Variants in USP35 observed in about 807,000 individuals in gnomAD.
The protein encoded by USP35 is ubiquitin carboxyl-terminal hydrolase 35.
In USP35, 69 loss-of-function variants were observed where a neutral mutation model predicts 83.8. That is an observed-to-expected ratio of 0.82 (90% CI 0.68 to 1.01). The LOEUF (loss-of-function observed/expected upper bound fraction) is 1.01, where lower values mean the gene tolerates loss of function less well. Among genes scored for constraint, USP35 ranks in the 50% least tolerant of loss-of-function variants. The pLI is 0.00. For missense variants in USP35, 1,503 were observed against 1,362.5 expected, an observed-to-expected ratio of 1.10 and a Z score of -1.62; for synonymous variants, 714 against 589.5, an observed-to-expected ratio of 1.21 and a Z score of -3.06.
At chr11:78,220,257 C>G in the USP35 span, 1 of 1,594,998 alleles carries the variant, frequency 6.3e-7, no homozygotes, top group Non-Finnish European at 8.6e-7. Flanking sequence ...CCCTGGCCTC[C>G]ATGATCTCTG....
At chr11:78,226,344 T>G in the USP35 span, 1 of 771,090 alleles carries the variant, frequency 1.3e-6, no homozygotes, top group East Asian at 2.5e-5. Context: ...TTTTTGAGTA[T>G]CAGTGACCTA....
At chr11:78,228,933 T>G in the USP35 span, among the ~76,000 whole-genome samples, 1 of 152,216 alleles carries the variant, frequency 6.6e-6, no homozygotes. Flanking sequence ...AACTCTCTGT[T>G]GGATGCTCCC....
chr11:78,220,794 C>G, the USP35 span, among the ~76,000 whole-genome samples: 1 of 152,232 alleles, frequency 6.6e-6, no homozygotes, highest in Non-Finnish European at 1.5e-5. Flanking sequence ...TCTAGCACAT[C>G]AGGCCAAGTC....
At chr11:78,222,940 C>T in the USP35 span, among the ~76,000 whole-genome samples, 63 of 152,300 alleles carry the variant, frequency 4.1e-4, 1 homozygote, top group South Asian at 0.012. Context: ...CTCCCTGCTG[C>T]TCCTGGCCAG....
At chr11:78,234,251 T>G in the USP35 span, among the ~76,000 whole-genome samples, 1 of 152,110 alleles carries the variant, frequency 6.6e-6, no homozygotes, top group Non-Finnish European at 1.5e-5. Flanking sequence ...CCTGGCTACT[T>G]TTTGTATTTT....
At position 78,213,729 on chromosome 11, in the gene USP35, AGACAAG is replaced by A. The variant is rs751906812; in HGVS notation, c.2976_2981del (p.Lys993_Asp994del). On this transcript the variant is annotated inframe_deletion, in exon 11 of 11. Transcript: ENST00000529308. Reference sequence around the variant, plus strand: ...CGCACTGGGGGAGGGGCTTTGATGAAGACAAGGATGAGGATGAAGGCTCTCCAGGGG... The same window carrying A: ...CGCACTGGGGGAGGGGCTTTGATGAAGATGAGGATGAAGGCTCTCCAGGGG... 2 of 1,537,212 alleles carry A rather than the reference AGACAAG, an allele frequency of 1.3e-6. No individual in the cohort carries two copies. Among genetic ancestry groups the A allele is most frequent in the South Asian group, 2.5e-5 (2 of 78,476 alleles).
chr11:78,221,535 G>T, the USP35 span: 1 of 479,276 alleles, frequency 2.1e-6, no homozygotes, highest in Non-Finnish European at 3.9e-6. Context: ...CTCAAGAAGG[G>T]TTTGTAGCAG....
the USP35 span, among the ~76,000 whole-genome samples, chr11:78,229,751 C>G: frequency 6.6e-6 from 1 of 152,220 alleles, no homozygotes; most frequent in Non-Finnish European, 1.5e-5. Context: ...CTTTTCCACT[C>G]TAGGATCCAA....
intron 3 of USP35, 128 bp downstream of exon 3, chr11:78,198,196 T>C: frequency 7.1e-7 from 1 of 1,401,368 alleles, no homozygotes; most frequent in South Asian, 1.3e-5. Context: ...TCATGTGTGT[T>C]CCATCATCTA....
Position 78,197,957 on chromosome 11 carries a change from C to T in USP35, c.695C>T (p.Ala232Val), listed in dbSNP as rs1285284964. The change falls in exon 3 of 11, where the codon GCC becomes GTC. Residue 232 changes from alanine (A) to valine (V), a missense_variant. Coordinates refer to ENST00000529308, the MANE Select transcript of USP35 (RefSeq NM_020798.4). ...SCAEEEPPSS[A>V]LASVVQHLPL... is the part of the protein sequence containing the mutation. ...CCAGAGGAGGAGCCACCATCTAGCG[C>T]CCTGGCCAGCGTGGTCCAGCACCTC... 1.9e-6 allele frequency: 3 copies of T among 1,614,082 alleles called. No individual in the cohort carries two copies. Among genetic ancestry groups the T allele is most frequent in the Admixed American group, 1.7e-5 (1 of 60,006 alleles).
Position 78,213,845 on chromosome 11 carries a change from T to C in USP35, c.*32T>C. 1 of 1,532,266 alleles carries C rather than the reference T, an allele frequency of 6.5e-7. No homozygotes were observed. The allele number at this position is 1,532,266 out of a possible 1,614,324, so 94.9% of individuals were successfully genotyped here. The stretch of plus-strand genomic sequence containing the variant: ...CCTGCTGCCAACCTGACCCCTTCCC[T>C]CCAGGAGCCAGGTAGGGCCTGAGGG... On this transcript the variant is annotated 3_prime_UTR_variant, in exon 11 of 11. Transcript: ENST00000529308.
rs1278218082 is a variant in USP35 at position 78,209,406 on chromosome 11, G to A, written c.1593-42G>A. 3 of 1,519,718 alleles carry A rather than the reference G, an allele frequency of 2.0e-6. No individual in the cohort carries two copies. In the Admixed American group the frequency reaches 6.5e-5, roughly 33 times the overall value. 94.1% of individuals were successfully genotyped at this position (1,519,718 alleles called of 1,614,324 possible). ...GGATAAGCTGAGTGCCCCGGAAGGG[G>A]ACCCGCATGTACATGTAGTGACTCT... is the stretch of plus-strand genomic sequence containing the variant. On this transcript the variant is annotated intron_variant, in intron 9 of 10. Coordinates refer to ENST00000529308, the MANE Select transcript of USP35 (RefSeq NM_020798.4).
chr11:78,225,014 A>G, the USP35 span: 9 of 764,904 alleles, frequency 1.2e-5, no homozygotes, highest in Admixed American at 1.5e-4. Flanking sequence ...TGGAGACGCC[A>G]TCAATCTTTT....
In USP35 at chr11:78,200,718, C is replaced by T. The variant is rs548378728; in HGVS notation, c.1107C>T (p.Cys369=). The T allele has an allele frequency of 1.7e-4, 277 of 1,614,150 alleles. 1 individual carries two copies. In the South Asian group the frequency reaches 2.9e-3, roughly 17 times the overall value. Residue 369 remains cysteine (C), a synonymous_variant, in exon 6 of 11, where the codon TGC becomes TGT. Coordinates refer to ENST00000529308, the MANE Select transcript of USP35 (RefSeq NM_020798.4). Reference sequence around the variant, plus strand: ...AGGACTCGAACTCGGGGACCAGCTGCCTGGAGCAGCTGGCGGAGCTGGTCC... The same window carrying T: ...AGGACTCGAACTCGGGGACCAGCTGTCTGGAGCAGCTGGCGGAGCTGGTCC... ...VKEDSNSGTS[C]LEQLAELVHC...
At chr11:78,203,892 C>T (rs12269804) in intron 6 of USP35, among the ~76,000 whole-genome samples, 32,246 of 113,278 alleles carry the variant, frequency 0.28, 5,501 homozygotes, top group African/African-American at 0.49. Flanking sequence ...TTTTTCTTTT[C>T]TTTTTTTTTT....
chr11:78,190,535 G>C (rs1862973042), intron 1 of USP35, among the ~76,000 whole-genome samples: 1 of 152,162 alleles, frequency 6.6e-6, no homozygotes, highest in Admixed American at 6.5e-5. Flanking sequence ...GCACCTTCAC[G>C]GACACCTCAG....
chr11:78,225,905 ATTT>A, the USP35 span, among the ~76,000 whole-genome samples: 1 of 152,208 alleles, frequency 6.6e-6, no homozygotes, highest in Non-Finnish European at 1.5e-5. Flanking sequence ...ATATTGTTCT[ATTT>A]TTTCATCATA....
Position 78,209,809 on chromosome 11 carries a change from A to C in USP35, c.1954A>C (p.Thr652Pro), listed in dbSNP as rs774992344. The change falls in exon 10 of 11, where the codon ACC (threonine) becomes CCC (proline). Residue 652 changes from threonine to proline, a missense_variant. Thr to Pro is a conservative substitution (Grantham distance 38, BLOSUM62 -1). Coordinates refer to ENST00000529308, the MANE Select transcript of USP35 (RefSeq NM_020798.4). The part of the protein sequence containing the change: ...RQRKHCITED[T>P]PPTSLYIEGL... The stretch of plus-strand genomic sequence containing the variant: ...AAGGAAACACTGCATCACAGAGGAC[A>C]CCCCCCCCACCAGCCTGTACATCGA... The C allele has an allele frequency of 1.9e-6, 3 of 1,610,008 alleles. No homozygotes were observed. Among genetic ancestry groups the C allele is most frequent in the East Asian group, 2.2e-5 (1 of 44,568 alleles).
the USP35 span, among the ~76,000 whole-genome samples, chr11:78,228,573 G>A: frequency 6.6e-6 from 1 of 152,202 alleles, no homozygotes; most frequent in Non-Finnish European, 1.5e-5. Context: ...GCCACCAGAT[G>A]GTGTTAGAAA....
Sources: gnomAD v4.1 joint callset for allele counts (sites outside exome capture counted in the v4.1 genomes callset) on GRCh38, gnomAD v4.1.1 for gene constraint, MANE v1.5 for transcripts, NCBI Gene and HGNC (gene_info 2026-07-23, HGNC 2026-07-21) for gene names.